The following RPS6KC1 variants were observed in gnomAD, a reference collection of about 807,000 sequenced individuals.
RPS6KC1 encodes the protein ribosomal protein S6 kinase C1, also known as inactive ribosomal protein S6 kinase delta-1.
A neutral mutation model predicts 103.8 loss-of-function variants in RPS6KC1; 54 were observed. That is an observed-to-expected ratio of 0.52 (90% CI 0.42 to 0.65). RPS6KC1 has a LOEUF of 0.65. Ranked by LOEUF, RPS6KC1 falls within the 30% of genes least tolerant of loss-of-function variation. The pLI is 0.00. For missense variants in RPS6KC1, 1,151 were observed against 1,253.8 expected (o/e 0.92, Z 1.24); for synonymous variants, 439 against 438.7 (o/e 1.00, Z -0.01).
At chr1:213,417,007 G>T in the RPS6KC1 span, among the ~76,000 whole-genome samples, 1 of 152,282 alleles carries the variant, frequency 6.6e-6, no homozygotes, top group East Asian at 1.9e-4. Flanking sequence ...TGTGCACTTT[G>T]GGGCAAAGTG....
the RPS6KC1 span, among the ~76,000 whole-genome samples, chr1:213,847,483 A>G: frequency 6.6e-6 from 1 of 152,126 alleles, no homozygotes; most frequent in Non-Finnish European, 1.5e-5. Flanking sequence ...CCATTTTCTA[A>G]TTTCTCCACA....
the RPS6KC1 span, among the ~76,000 whole-genome samples, chr1:213,846,106 C>A: frequency 1.5e-5 from 2 of 136,872 alleles, no homozygotes; most frequent in East Asian, 4.2e-4. Context: ...GCCTGGCCAA[C>A]ATGGTGAAAC....
intron 6 of RPS6KC1, among the ~76,000 whole-genome samples, chr1:213,154,069 A>C (rs1294681939): frequency 6.6e-6 from 1 of 152,202 alleles, no homozygotes; most frequent in Non-Finnish European, 1.5e-5. Context: ...CTTGATTACC[A>C]GTCAGAGGCT....
At chr1:213,861,797 G>A in the RPS6KC1 span, among the ~76,000 whole-genome samples, 144 of 152,272 alleles carry the variant, frequency 9.5e-4, no homozygotes, top group Admixed American at 4.1e-3. Context: ...CTGTCCAGTC[G>A]TATCTTAATA....
At chr1:213,782,247 A>G in the RPS6KC1 span, among the ~76,000 whole-genome samples, 1 of 152,330 alleles carries the variant, frequency 6.6e-6, no homozygotes, top group Admixed American at 6.5e-5. Flanking sequence ...CACACTGATT[A>G]TTAGCACCTC....
chr1:213,190,299 T>C (rs1400816759), intron 8 of RPS6KC1, among the ~76,000 whole-genome samples: 2 of 152,168 alleles, frequency 1.3e-5, no homozygotes, highest in Non-Finnish European at 2.9e-5. Context: ...TTTTTCCACA[T>C]CCTTGCCAGC....
At chr1:213,587,478 G>A in the RPS6KC1 span, among the ~76,000 whole-genome samples, 4 of 152,182 alleles carry the variant, frequency 2.6e-5, no homozygotes, top group African/African-American at 9.7e-5. Context: ...TTTTCATTGG[G>A]TAGATGGTGA....
intron 3 of RPS6KC1, among the ~76,000 whole-genome samples, chr1:213,085,681 A>G (rs1423233006): frequency 6.6e-6 from 1 of 151,930 alleles, no homozygotes; most frequent in Non-Finnish European, 1.5e-5. Flanking sequence ...TTGTTTATGC[A>G]TCTACGTTTC....
In RPS6KC1 at chr1:213,167,902, G is replaced by T; in HGVS notation, c.880G>T (p.Ala294Ser). The change falls in exon 7 of 15, where the codon GCC becomes TCC. Residue 294 changes from alanine (A) to serine (S), a missense_variant. Ala to Ser is a moderately conservative substitution (Grantham distance 99). Coordinates refer to ENST00000366960, the MANE Select transcript of RPS6KC1 (RefSeq NM_012424.6). ...TRREAVKRRT[A>S]EYLMRAESIS... Reference sequence around the variant, plus strand: ...TCGAGAAGCTGTGAAGAGAAGAACAGCCGAGTACCTCATGCGGGCAGAAAG... The same window carrying T: ...TCGAGAAGCTGTGAAGAGAAGAACATCCGAGTACCTCATGCGGGCAGAAAG... The T allele has an allele frequency of 6.2e-7, 1 of 1,613,808 alleles. No individual in the cohort carries two copies.
At chr1:213,167,772 A>G (rs962263514) in intron 6 of RPS6KC1, 86 bp from the exon 7 acceptor site, 1 of 625,618 alleles carries the variant, frequency 1.6e-6, no homozygotes, top group Non-Finnish European at 2.7e-6. Flanking sequence ...AAATGTGAAC[A>G]AGCAGTGTAT....
chr1:213,841,307 T>C, the RPS6KC1 span: 1 of 152,144 alleles, frequency 6.6e-6, no homozygotes, highest in South Asian at 2.1e-4. Flanking sequence ...TTTTAAAACA[T>C]GAAGATTGGA....
the RPS6KC1 span, among the ~76,000 whole-genome samples, chr1:213,595,107 A>G: frequency 6.6e-6 from 1 of 152,000 alleles, no homozygotes; most frequent in Non-Finnish European, 1.5e-5. Flanking sequence ...ACTGGACACC[A>G]CTCGGGGACT....
At chr1:213,773,119 A>G in the RPS6KC1 span, among the ~76,000 whole-genome samples, 1 of 152,272 alleles carries the variant, frequency 6.6e-6, no homozygotes, top group South Asian at 2.1e-4. Flanking sequence ...AATGTCTTTT[A>G]TAGGGGCAGG....
the RPS6KC1 span, among the ~76,000 whole-genome samples, chr1:213,792,550 G>A: frequency 6.6e-6 from 1 of 152,124 alleles, no homozygotes; most frequent in Non-Finnish European, 1.5e-5. Flanking sequence ...AATGGATAGA[G>A]ACACTATGGG....
the RPS6KC1 span, among the ~76,000 whole-genome samples, chr1:213,442,514 G>T: frequency 1.3e-5 from 2 of 152,176 alleles, no homozygotes; most frequent in African/African-American, 2.4e-5. Context: ...GATCTGTTAC[G>T]TGTCTTGGAC....
At chr1:213,385,669 G>A in the RPS6KC1 span, among the ~76,000 whole-genome samples, 2 of 152,174 alleles carry the variant, frequency 1.3e-5, no homozygotes, top group Non-Finnish European at 2.9e-5. Flanking sequence ...ATTCCTCTTA[G>A]CTCCATGCTG....
the RPS6KC1 span, among the ~76,000 whole-genome samples, chr1:213,426,341 A>G: frequency 1.3e-5 from 2 of 152,044 alleles, no homozygotes; most frequent in African/African-American, 4.8e-5. Context: ...CCTCCTTCAT[A>G]ACCTGGGAGA....
chr1:213,807,086 T>A, the RPS6KC1 span, among the ~76,000 whole-genome samples: 1 of 152,238 alleles, frequency 6.6e-6, no homozygotes, highest in East Asian at 1.9e-4. Context: ...ATTCTTTTCT[T>A]TAAGAATGTT....
At chr1:213,787,311 G>GAA in the RPS6KC1 span, among the ~76,000 whole-genome samples, 80 of 152,120 alleles carry the variant, frequency 5.3e-4, 1 homozygote, top group Middle Eastern at 3.4e-3. Flanking sequence ...AAAAAAATAA[G>GAA]AAAAGTGAAA....
Sources: allele counts gnomAD v4.1 joint callset (sites outside exome capture counted in the v4.1 genomes callset), GRCh38; gene constraint gnomAD v4.1.1; transcripts MANE v1.5; gene names NCBI Gene and HGNC (gene_info 2026-07-23, HGNC 2026-07-21).